PDLIM1: variants seen among roughly 807,000 people sequenced by gnomAD.
PDLIM1 encodes the protein PDZ and LIM domain protein 1.
PDLIM1 carries 25 observed loss-of-function variants against 35.2 expected under a neutral mutation model. The observed-to-expected ratio is 0.71, with a 90% CI of 0.52 to 0.99. The LOEUF (loss-of-function observed/expected upper bound fraction) is 0.99, where lower values mean the gene tolerates loss of function less well. Among genes scored for constraint, PDLIM1 ranks in the 50% least tolerant of loss-of-function variants. The probability of loss-of-function intolerance (pLI) is 0.00; values close to 1 mark genes in which losing one functional copy is unlikely to be tolerated. For synonymous variants in PDLIM1, 152 were observed against 154.0 expected (o/e 0.99, Z 0.10); for missense variants, 363 against 415.3 (o/e 0.87, Z 1.09).
rs71034327 is a variant in PDLIM1, at chr10:95,256,986, AAAAGAAAGAAAGAAAGAAAG to A, written c.533+6858_533+6877del. ...TGAGACTTCATCTTAAAAAAAAAAAAAAAGAAAGAAAGAAAGAAAGAAAGAAAGAAAGAAAGAAAGAAAGA... is the reference window on the plus strand; with the variant it reads ...TGAGACTTCATCTTAAAAAAAAAAAAAAAGAAAGAAAGAAAGAAAGAAAGA... On this transcript the variant is annotated intron_variant, in intron 4 of 6. Transcript: ENST00000329399. Among the ~76,000 whole-genome samples the A allele has an allele frequency of 1.1e-3, 67 of 61,670 alleles. 3 individuals carry two copies. Among genetic ancestry groups the A allele is most frequent in the South Asian group, 8.4e-3 (15 of 1,780 alleles). The allele number at this position is 61,670 out of a possible 152,430, so 40.5% of individuals were successfully genotyped here.
At chr10:95,275,314 T>C (rs915385690) in intron 1 of PDLIM1, among the ~76,000 whole-genome samples, 1 of 152,186 alleles carries the variant, frequency 6.6e-6, no homozygotes, top group Non-Finnish European at 1.5e-5. Flanking sequence ...ATAATAAAAC[T>C]CTAGTCTTCC....
chr10:95,286,229 TG>T (rs1335705369), intron 1 of PDLIM1, among the ~76,000 whole-genome samples: 5 of 152,092 alleles, frequency 3.3e-5, no homozygotes, highest in African/African-American at 9.7e-5. Context: ...TGGTGGCTCA[TG>T]CCTGTGATCC....
intron 5 of PDLIM1, among the ~76,000 whole-genome samples, chr10:95,242,513 C>T (rs544238583): frequency 6.6e-6 from 1 of 151,896 alleles, no homozygotes; most frequent in Admixed American, 6.6e-5. Context: ...ATGGTGAAAC[C>T]CCATCTCTAC....
At chr10:95,246,835 C>T (rs1306587747) in intron 5 of PDLIM1, among the ~76,000 whole-genome samples, 1 of 152,190 alleles carries the variant, frequency 6.6e-6, no homozygotes, top group Non-Finnish European at 1.5e-5. Flanking sequence ...TTGCCCATGG[C>T]CTTCATCACT....
chr10:95,272,079 C>T (rs2035469495), intron 1 of PDLIM1, among the ~76,000 whole-genome samples: 2 of 152,124 alleles, frequency 1.3e-5, no homozygotes, highest in African/African-American at 2.4e-5. Context: ...GATCACCCAA[C>T]TAGTATATTA....
chr10:95,245,363 C>T (rs2035210697), intron 5 of PDLIM1, among the ~76,000 whole-genome samples: 1 of 152,176 alleles, frequency 6.6e-6, no homozygotes, highest in Admixed American at 6.5e-5. Flanking sequence ...ACGAAGTAAC[C>T]TTGGGAATAG....
rs569801610 is a variant in PDLIM1 at position 95,261,873 on chromosome 10, T to C, written c.533+1991A>G. 5.3e-5 allele frequency among the ~76,000 whole-genome samples: 8 copies of C among 152,206 alleles called. No homozygotes were observed. In the East Asian group the frequency reaches 1.2e-3, roughly 22 times the overall value. ...AAAACACAAAATTATCCGGGCGTGG[T>C]GGCGCATGCCTGTAATCCCAGCTAC... is the stretch of plus-strand genomic sequence containing the variant. On this transcript the variant is annotated intron_variant, in intron 4 of 6. Transcript: ENST00000329399.
At position 95,290,712 on chromosome 10, in the gene PDLIM1, G is replaced by T. The variant is rs2035646056; in HGVS notation, c.96+108C>A. On this transcript the variant is annotated intron_variant, in intron 1 of 6. Coordinates refer to ENST00000329399, the MANE Select transcript of PDLIM1 (RefSeq NM_020992.4). This position sits in a 1 kb window ranked among gnomAD's most constrained non-coding sequence, Gnocchi z 4.7. ...CTCAACTAACAGCGCACCTGGACGC[G>T]CCCGGCTGCGGTTCCGACTCCGTCC... 1 of 603,144 alleles carries T rather than the reference G, an allele frequency of 1.7e-6. No individual in the cohort carries two copies. Among genetic ancestry groups the T allele is most frequent in the East Asian group, 3.6e-5 (1 of 28,004 alleles). 37.4% of individuals were successfully genotyped at this position (603,144 alleles called of 1,614,324 possible).
chr10:95,275,742 T>A (rs2035505134), intron 1 of PDLIM1, among the ~76,000 whole-genome samples: 1 of 152,226 alleles, frequency 6.6e-6, no homozygotes, highest in Admixed American at 6.5e-5. Flanking sequence ...AAGTCCAGAA[T>A]GTCCAGCATT....
intron 2 of PDLIM1, among the ~76,000 whole-genome samples, chr10:95,269,728 T>A (rs1405148092): frequency 6.6e-6 from 1 of 152,068 alleles, no homozygotes; most frequent in Admixed American, 6.6e-5. Context: ...TTATCTTTAT[T>A]TATTTTATTT....
intron 1 of PDLIM1, among the ~76,000 whole-genome samples, chr10:95,287,618 GCT>G (rs2035613640): frequency 1.3e-5 from 2 of 152,168 alleles, no homozygotes; most frequent in East Asian, 3.9e-4. Flanking sequence ...TTCTCTGAAG[GCT>G]TCCCTTGAAA....
chr10:95,275,906 C>A (rs2035507265), intron 1 of PDLIM1, among the ~76,000 whole-genome samples: 1 of 151,788 alleles, frequency 6.6e-6, no homozygotes, highest in African/African-American at 2.4e-5. Context: ...TTTTTTAAAG[C>A]CAAACTGGTA....
At chr10:95,245,019 G>A (rs1369499193) in intron 5 of PDLIM1, among the ~76,000 whole-genome samples, 1 of 152,144 alleles carries the variant, frequency 6.6e-6, no homozygotes, top group Non-Finnish European at 1.5e-5. Flanking sequence ...ATTTAATGCG[G>A]GTACACAGTA....
chr10:95,245,401 C>CCAAGATCT (rs964850877), intron 5 of PDLIM1, among the ~76,000 whole-genome samples: 1 of 152,152 alleles, frequency 6.6e-6, no homozygotes, highest in African/African-American at 2.4e-5. Flanking sequence ...GCTGGAGTGC[C>CCAAGATCT]GGATAGGAGT....
At chr10:95,260,178 T>C (rs549457014) in intron 4 of PDLIM1, among the ~76,000 whole-genome samples, 1 of 152,302 alleles carries the variant, frequency 6.6e-6, no homozygotes, top group East Asian at 1.9e-4. Flanking sequence ...AACAACCTGG[T>C]GGTAAAGAAG....
intron 4 of PDLIM1, among the ~76,000 whole-genome samples, chr10:95,248,494 A>G (rs553263476): frequency 6.6e-6 from 1 of 152,296 alleles, no homozygotes; most frequent in South Asian, 2.1e-4. Context: ...GTGATCCTCC[A>G]GCCTCGGACT....
intron 2 of PDLIM1, among the ~76,000 whole-genome samples, chr10:95,270,754 G>C (rs1317622143): frequency 6.6e-6 from 1 of 151,960 alleles, no homozygotes; most frequent in Admixed American, 6.6e-5. Flanking sequence ...GCATCCTAAG[G>C]ACATTTTTTT....
chr10:95,242,263 C>A (rs1332356566), intron 5 of PDLIM1, among the ~76,000 whole-genome samples: 1 of 152,148 alleles, frequency 6.6e-6, no homozygotes. Context: ...AGCCTTCCTC[C>A]CTTCCTTTGG....
At position 95,290,960 on chromosome 10, in the gene PDLIM1, G is replaced by A. The variant is rs747352339; in HGVS notation, c.-45C>T. ...ACGACCCGCGGGGACAGACGGGCAG[G>A]ACGCGCGGAACAGCTTGCAGGGCAC... is the stretch of plus-strand genomic sequence containing the variant. On this transcript the variant is annotated 5_prime_UTR_variant, in exon 1 of 7. Transcript: ENST00000329399. The surrounding 1 kb of genome is among the most constrained non-coding windows in gnomAD (Gnocchi z 4.7). 240 of 1,305,704 alleles carry A rather than the reference G, an allele frequency of 1.8e-4. No homozygotes were observed. The highest frequency in any genetic ancestry group is 7.7e-4 in the Middle Eastern group (4 of 5,186). 80.9% of individuals were successfully genotyped at this position (1,305,704 alleles called of 1,614,324 possible). A position where few individuals can be genotyped will look rare whatever the true frequency, so the allele number is the denominator to read the frequency against.
Sources: allele counts gnomAD v4.1 joint callset (sites outside exome capture counted in the v4.1 genomes callset), GRCh38; gene constraint gnomAD v4.1.1; non-coding constraint Gnocchi (gnomAD v3.1); transcripts MANE v1.5; gene names NCBI Gene and HGNC (gene_info 2026-07-23, HGNC 2026-07-21).